FSIP2: variants seen among roughly 807,000 people sequenced by gnomAD.
FSIP2 encodes fibrous sheath-interacting protein 2.
Under a neutral mutation model 510.5 loss-of-function variants are expected in FSIP2, and 367 were observed. The ratio of observed to expected loss-of-function variants is 0.72; its 90% CI spans 0.66 to 0.78. FSIP2 has a LOEUF of 0.78. Ranked by LOEUF, FSIP2 falls within the 30% of genes least tolerant of loss-of-function variation. The pLI, the probability that FSIP2 is intolerant of heterozygous loss-of-function variation, is 0.00. For synonymous variants in FSIP2, 2,601 were observed against 2,732.2 expected (o/e 0.95, Z 1.50); for missense variants, 7,594 against 7,901.7 (o/e 0.96, Z 1.48).
Position 185,790,634 on chromosome 2 carries a change from G to C in FSIP2, c.3498G>C (p.Val1166=). The part of the protein sequence containing the change: ...QMFSVSEIST[V]AQEITDSVLN... ...TTTCTGTTTCAGAAATCAGTACAGTGGCTCAAGAAATAACAGATTCTGTGT... is the reference window on the plus strand; with the variant it reads ...TTTCTGTTTCAGAAATCAGTACAGTCGCTCAAGAAATAACAGATTCTGTGT... The change falls in exon 16 of 23, where the codon GTG becomes GTC. Residue 1166 remains valine, a synonymous_variant. Transcript: ENST00000424728. 6.5e-7 allele frequency: 1 copy of C among 1,533,976 alleles called. No individual in the cohort carries two copies. The highest frequency in any genetic ancestry group is 1.7e-4 in the Middle Eastern group (1 of 5,980).
intron 2 of FSIP2, 88 bp downstream of exon 2, chr2:185,739,559 G>T: frequency 1.7e-6 from 2 of 1,182,832 alleles, no homozygotes; most frequent in Non-Finnish European, 2.2e-6. Flanking sequence ...ATTCATTAAA[G>T]GAATTTGCAT....
chr2:185,753,088 G>T (rs1173945546), intron 7 of FSIP2, among the ~76,000 whole-genome samples: 1 of 151,104 alleles, frequency 6.6e-6, no homozygotes, highest in East Asian at 1.9e-4. Flanking sequence ...GACTCATGAG[G>T]TTTTTCCAGT....
chr2:185,802,726 A>G lies in FSIP2; in HGVS notation c.13420A>G (p.Arg4474Gly). The change falls in exon 17 of 23, where the codon AGA (arginine) becomes GGA (glycine). Residue 4474 changes from arginine (R) to glycine (G), a missense_variant. By Grantham distance (125) the Arg-to-Gly change is moderately radical. Transcript: ENST00000424728. ...ATACACATTTTTAGAAGATATGATC[A>G]GAGTACTATTATCTAAATTATTTTC... ...LPYTFLEDMI[R>G]VLLSKLFSSA... 1 of 1,518,394 alleles carries G rather than the reference A, an allele frequency of 6.6e-7. No homozygotes were observed. The highest frequency in any genetic ancestry group is 8.8e-7 in the Non-Finnish European group (1 of 1,140,038). The allele number at this position is 1,518,394 out of a possible 1,614,324, so 94.1% of individuals were successfully genotyped here.
At position 185,793,087 on chromosome 2, in the gene FSIP2, C is replaced by G; in HGVS notation, c.5951C>G (p.Thr1984Ser). 6.5e-7 allele frequency: 1 copy of G among 1,534,338 alleles called. No individual in the cohort carries two copies. Among genetic ancestry groups the G allele is most frequent in the Non-Finnish European group, 8.7e-7 (1 of 1,145,668 alleles). ...TTTTCCTGTTGCTCAGTAGATCATACCAAGTCAGGAAAGACCAACTTGTGC... is the reference window on the plus strand; with the variant it reads ...TTTTCCTGTTGCTCAGTAGATCATAGCAAGTCAGGAAAGACCAACTTGTGC... ...EQFSCCSVDH[T>S]KSGKTNLCQL... Residue 1984 changes from threonine to serine, a missense_variant, in exon 16 of 23, where the codon ACC (threonine) becomes AGC (serine). Coordinates refer to ENST00000424728, the MANE Select transcript of FSIP2 (RefSeq NM_173651.4).
chr2:185,748,507 G>A (rs978545698), intron 7 of FSIP2, among the ~76,000 whole-genome samples: 4 of 151,744 alleles, frequency 2.6e-5, no homozygotes, highest in Non-Finnish European at 5.9e-5. Context: ...GTCTCACCAA[G>A]TTGTCCTCTT....
chr2:185,817,736 A>T (rs1331136360), intron 19 of FSIP2, among the ~76,000 whole-genome samples: 1 of 152,024 alleles, frequency 6.6e-6, no homozygotes, highest in Non-Finnish European at 1.5e-5. Flanking sequence ...TACCCAGAAA[A>T]TGTTCCTGAA....
chr2:185,767,528 T>A (rs73045029), intron 13 of FSIP2, among the ~76,000 whole-genome samples: 6,821 of 152,126 alleles, frequency 0.045, 505 homozygotes, highest in African/African-American at 0.16. Context: ...CACATATAAA[T>A]CATGCCGTTT....
At position 185,816,116 on chromosome 2, in the gene FSIP2, T is replaced by C. The variant is rs1004548011; in HGVS notation, c.20426+645T>C. 4.6e-5 allele frequency among the ~76,000 whole-genome samples: 7 copies of C among 152,060 alleles called. 1 individual carries two copies. Among genetic ancestry groups the C allele is most frequent in the Non-Finnish European group, 1.0e-4 (7 of 67,996 alleles). On this transcript the variant is annotated intron_variant, in intron 19 of 22. Coordinates refer to ENST00000424728, the MANE Select transcript of FSIP2 (RefSeq NM_173651.4). ...GAAAACATCTAAATTTGTGCTTGCA[T>C]TTATAAAATTATACACAACTTGGAA...
intron 14 of FSIP2, chr2:185,783,897 A>T (rs1039128978): frequency 6.6e-6 from 1 of 152,264 alleles, no homozygotes; most frequent in East Asian, 1.9e-4. Flanking sequence ...AGCATTTTGG[A>T]TATTGTTTCA....
intron 2 of FSIP2, among the ~76,000 whole-genome samples, chr2:185,741,117 C>T (rs1428714714): frequency 1.3e-5 from 2 of 152,150 alleles, no homozygotes; most frequent in Non-Finnish European, 2.9e-5. Context: ...TATAATTCCT[C>T]TTTAGTGCAT....
chr2:185,778,502 GAGTT>G (rs1214769175), intron 13 of FSIP2, among the ~76,000 whole-genome samples: 2 of 151,830 alleles, frequency 1.3e-5, no homozygotes, highest in Admixed American at 6.6e-5. Context: ...TTGTACCCAT[GAGTT>G]AGTTGTTAAA....
intron 19 of FSIP2, among the ~76,000 whole-genome samples, chr2:185,820,146 G>C (rs1387955735): frequency 6.6e-6 from 1 of 151,944 alleles, no homozygotes; most frequent in Non-Finnish European, 1.5e-5. Flanking sequence ...CCAGGTGGAA[G>C]GTAATTGAAT....
At chr2:185,764,223 G>C (rs1692414414) in intron 12 of FSIP2, among the ~76,000 whole-genome samples, 1 of 151,648 alleles carries the variant, frequency 6.6e-6, no homozygotes, top group Non-Finnish European at 1.5e-5. Flanking sequence ...TGTGTTAGAT[G>C]AAAGTACAAC....
chr2:185,782,302 C>CCG (rs1692869622), intron 13 of FSIP2, among the ~76,000 whole-genome samples: 1 of 36,474 alleles, frequency 2.7e-5, no homozygotes. Flanking sequence ...TATTCAGGTA[C>CCG]GTATCAAGGA....
rs1160882029 is a variant in FSIP2, at chr2:185,756,208, AAAG to A, written c.1013_1015del (p.Lys338del). 7.7e-7 allele frequency: 1 copy of A among 1,297,050 alleles called. No individual in the cohort carries two copies. The highest frequency in any genetic ancestry group is 1.1e-6 in the Non-Finnish European group (1 of 951,656). 80.3% of individuals were successfully genotyped at this position (1,297,050 alleles called of 1,614,324 possible). ...TTCTTTAAGCTTCTCCAAAGAATAA[AAAG>A]AAGACTTCTGAAGATATAATGTTAG... On this transcript the variant is annotated inframe_deletion, in exon 9 of 23. Transcript: ENST00000424728.
chr2:185,786,823 A>G (rs560784864), intron 15 of FSIP2, among the ~76,000 whole-genome samples: 18 of 152,040 alleles, frequency 1.2e-4, no homozygotes, highest in Admixed American at 8.5e-4. Context: ...GGAACAACAC[A>G]TGCTCTGAGA....
chr2:185,809,188 T>C (rs1693670447), intron 17 of FSIP2, 55 bp downstream of exon 17: 1 of 1,496,304 alleles, frequency 6.7e-7, no homozygotes, highest in Non-Finnish European at 8.9e-7. Context: ...ATGGTTCTTC[T>C]GTGATTTCCT....
At position 185,802,900 on chromosome 2, in the gene FSIP2, A is replaced by G. The variant is rs1279809420; in HGVS notation, c.13594A>G (p.Lys4532Glu). ...ATTTTCAAAAGAGGAAGAAGAAACC[A>G]AGTTTATTTATTCAGAAGATGATAT... The part of the protein sequence containing the change: ...IRFSKEEEET[K>E]FIYSEDDIQH... The change falls in exon 17 of 23, where the codon AAG (lysine) becomes GAG (glutamate). Residue 4532 changes from lysine (K) to glutamate (E), a missense_variant. Coordinates refer to ENST00000424728, the MANE Select transcript of FSIP2 (RefSeq NM_173651.4). The G allele has an allele frequency of 1.3e-6, 2 of 1,497,270 alleles. No individual in the cohort carries two copies. The highest frequency in any genetic ancestry group is 1.8e-6 in the Non-Finnish European group (2 of 1,132,168). The allele number at this position is 1,497,270 out of a possible 1,614,324, so 92.7% of individuals were successfully genotyped here.
chr2:185,800,894 C>T lies in FSIP2; in HGVS notation c.11588C>T (p.Pro3863Leu), dbSNP rs529845185. 157 of 1,533,542 alleles carry T rather than the reference C, an allele frequency of 1.0e-4. No homozygotes were observed. The highest frequency in any genetic ancestry group is 5.6e-4 in the African/African-American group (41 of 72,914). The allele number at this position is 1,533,542 out of a possible 1,614,324, so 95.0% of individuals were successfully genotyped here. ...TTATCTCACAGCATACAACAAGCTCCGGAAAGTCTACCTTTTGCAAATAAG... is the reference window on the plus strand; with the variant it reads ...TTATCTCACAGCATACAACAAGCTCTGGAAAGTCTACCTTTTGCAAATAAG... ...DKLSHSIQQA[P>L]ESLPFANKHL... The change falls in exon 17 of 23, where the codon CCG becomes CTG. Residue 3863 changes from proline to leucine, a missense_variant. Physicochemically the swap from Pro to Leu is moderately conservative, Grantham distance 98. Coordinates refer to ENST00000424728, the MANE Select transcript of FSIP2 (RefSeq NM_173651.4).
Sources: gnomAD v4.1 joint callset for allele counts (sites outside exome capture counted in the v4.1 genomes callset) on GRCh38, gnomAD v4.1.1 for gene constraint, MANE v1.5 for transcripts, NCBI Gene and HGNC (gene_info 2026-07-23, HGNC 2026-07-21) for gene names.